Variants in CNOT6 observed in about 807,000 individuals in gnomAD.
CNOT6 encodes the protein CCR4-NOT transcription complex subunit 6.
CNOT6 carries 12 observed loss-of-function variants against 61.2 expected under a neutral mutation model. The ratio of observed to expected loss-of-function variants is 0.20; its 90% CI spans 0.13 to 0.32. The LOEUF (loss-of-function observed/expected upper bound fraction) is 0.32. Among genes scored for constraint, CNOT6 ranks in the 10% least tolerant of loss-of-function variants. The pLI, the probability that CNOT6 is intolerant of heterozygous loss-of-function variation, is 1.00. For synonymous variants in CNOT6, 225 were observed against 240.6 expected, an observed-to-expected ratio of 0.94 and a Z score of 0.60; for missense variants, 405 against 663.9, an observed-to-expected ratio of 0.61 and a Z score of 4.28.
intron 4 of CNOT6, among the ~76,000 whole-genome samples, chr5:180,562,601 A>G (rs1760243406): frequency 6.6e-6 from 1 of 152,084 alleles, no homozygotes; most frequent in African/African-American, 2.4e-5. Context: ...TTAGCCGGGC[A>G]TGGTGGCAGC....
At chr5:180,511,111 GT>G (rs952223582) in intron 1 of CNOT6, among the ~76,000 whole-genome samples, 8 of 151,554 alleles carry the variant, frequency 5.3e-5, no homozygotes, top group African/African-American at 1.7e-4. Context: ...AGACAGGCAG[GT>G]TTTTTTTGGC....
At chr5:180,498,956 T>A (rs1391928842) in intron 1 of CNOT6, among the ~76,000 whole-genome samples, 1 of 152,112 alleles carries the variant, frequency 6.6e-6, no homozygotes, top group African/African-American at 2.4e-5. Flanking sequence ...CGCCGACTAA[T>A]TTTTTTGTAT....
intron 2 of CNOT6, among the ~76,000 whole-genome samples, chr5:180,545,327 C>T (rs1561652318): frequency 6.6e-6 from 1 of 152,210 alleles, no homozygotes; most frequent in Non-Finnish European, 1.5e-5. Context: ...TCCATTCCTT[C>T]CCCTATTTCT....
At chr5:180,503,262 CTTTTTTTTTTT>C (rs66503357) in intron 1 of CNOT6, among the ~76,000 whole-genome samples, 1 of 133,848 alleles carries the variant, frequency 7.5e-6, no homozygotes, top group African/African-American at 2.7e-5. Flanking sequence ...TTGTATTTTT[CTTTTTTTTTTT>C]TTTTTTGAGA....
At chr5:180,519,566 C>T (rs1279323219) in intron 1 of CNOT6, among the ~76,000 whole-genome samples, 1 of 152,072 alleles carries the variant, frequency 6.6e-6, no homozygotes, top group Non-Finnish European at 1.5e-5. Flanking sequence ...TACATGTACA[C>T]CTTAAATGTA....
intron 4 of CNOT6, among the ~76,000 whole-genome samples, chr5:180,562,429 C>A (rs1760233295): frequency 2.0e-5 from 3 of 151,968 alleles, no homozygotes; most frequent in Non-Finnish European, 1.5e-5. Context: ...TAGTGAAGAG[C>A]AGATTAATTT....
intron 1 of CNOT6, among the ~76,000 whole-genome samples, chr5:180,511,768 A>G (rs77626140): frequency 2.0e-5 from 3 of 150,234 alleles, no homozygotes; most frequent in South Asian, 2.1e-4. Flanking sequence ...CCTGTATCTG[A>G]AAAAAAAAAT....
intron 2 of CNOT6, among the ~76,000 whole-genome samples, chr5:180,533,313 T>C (rs1194434220): frequency 3.7e-5 from 1 of 26,820 alleles, no homozygotes; most frequent in Non-Finnish European, 9.7e-5. Flanking sequence ...GATGAAAACC[T>C]ATATATATAT....
rs1311006190 is a variant in CNOT6, at chr5:180,567,763, A to C, written c.873-86A>C. The C allele has an allele frequency of 3.2e-6, 5 of 1,581,454 alleles. No individual in the cohort carries two copies. The East Asian group carries it at 1.1e-4, about 35-fold the overall frequency. On this transcript the variant is annotated intron_variant, in intron 8 of 11. Coordinates refer to ENST00000261951, the MANE Select transcript of CNOT6 (RefSeq NM_001370472.1). The stretch of plus-strand genomic sequence containing the variant: ...TAAGTGCCATCGTATCTGTTAAGGA[A>C]GTTTGGGAAAACTGCGTTTCCCACA...
chr5:180,502,505 C>G (rs926442613), intron 1 of CNOT6, among the ~76,000 whole-genome samples: 2 of 152,156 alleles, frequency 1.3e-5, no homozygotes, highest in Non-Finnish European at 2.9e-5. Context: ...ATGTTGTGCT[C>G]CATTGCCCAA....
chr5:180,507,412 C>T (rs1344395614), intron 1 of CNOT6, among the ~76,000 whole-genome samples: 2 of 152,124 alleles, frequency 1.3e-5, no homozygotes, highest in African/African-American at 4.8e-5. Flanking sequence ...CTAGCCTGGC[C>T]AACCTGGTGA....
rs111736809 is a variant in CNOT6 at position 180,527,310 on chromosome 5, A to G, written c.-2-1965A>G. ...GTGCCTCTTAAGTCATTTATTCCAT[A>G]TGTTTCATTTTACTCCTCTTTTTCA... is the stretch of plus-strand genomic sequence containing the variant. On this transcript the variant is annotated intron_variant, in intron 1 of 11. Transcript: ENST00000261951. Among the ~76,000 whole-genome samples, 26 of 152,276 alleles carry G rather than the reference A, an allele frequency of 1.7e-4. 2 individuals are homozygous for G. The highest frequency in any genetic ancestry group is 1.7e-3 in the South Asian group (8 of 4,832).
rs532509438 is a variant in CNOT6 at position 180,509,842 on chromosome 5, T to C, written c.-3+15079T>C. 4.9e-3 allele frequency among the ~76,000 whole-genome samples: 744 copies of C among 151,458 alleles called. 14 individuals are homozygous for C. The highest frequency in any genetic ancestry group is 0.017 in the African/African-American group (709 of 41,350). On this transcript the variant is annotated intron_variant, in intron 1 of 11. Transcript: ENST00000261951. ...GATACCTTGGTGTTTTTTTTTTTTT[T>C]TTTTCACTAGCTACTCTTTGTTAAA...
intron 2 of CNOT6, among the ~76,000 whole-genome samples, chr5:180,542,754 T>C (rs1489714956): frequency 6.6e-6 from 1 of 152,232 alleles, no homozygotes; most frequent in African/African-American, 2.4e-5. Flanking sequence ...AAATCACTTA[T>C]CAAAACAGGG....
intron 1 of CNOT6, among the ~76,000 whole-genome samples, chr5:180,528,984 G>C (rs1259910162): frequency 6.6e-6 from 1 of 152,098 alleles, no homozygotes; most frequent in African/African-American, 2.4e-5. Flanking sequence ...GCCAAGGCGG[G>C]CGGATCATGA....
intron 3 of CNOT6, among the ~76,000 whole-genome samples, chr5:180,552,756 G>T (rs916444888): frequency 6.6e-5 from 10 of 152,136 alleles, no homozygotes; most frequent in African/African-American, 2.4e-4. Flanking sequence ...CACCCTTGAA[G>T]GTTCCTTTGA....
At position 180,569,338 on chromosome 5, in the gene CNOT6, C is replaced by G. The variant is rs1760628437; in HGVS notation, c.1256C>G (p.Ser419Cys). The G allele has an allele frequency of 6.3e-7, 1 of 1,585,320 alleles. No homozygotes were observed. The highest frequency in any genetic ancestry group is 8.7e-7 in the Non-Finnish European group (1 of 1,155,312). Residue 419 changes from serine (S) to cysteine (C), a missense_variant and splice_region_variant, in exon 10 of 12, where the codon TCT becomes TGT. By Grantham distance (112) the Ser-to-Cys change is moderately radical. Around this residue, in one of 5 missense-constraint regions of CNOT6, gnomAD observed 116 missense variants for 184.6 expected, o/e 0.63. Transcript: ENST00000261951. ...LCADLNSLPDSGVVEYLSTGG... is the reference protein window; with the variant it reads ...LCADLNSLPDCGVVEYLSTGG... ...GCAGATCTTAATTCTTTGCCAGACT[C>G]TGGTAAGAAAATAATGTGATTTTAT...
Position 180,529,211 on chromosome 5 carries a change from AAAG to A in CNOT6, c.-2-63_-2-61del, listed in dbSNP as rs1758236184. ...AGACTTCGTCTCAAAAAAAAAAAAA[AAAG>A]GTGTTGTGGCTTTTGTTTATTTGAT... On this transcript the variant is annotated intron_variant, in intron 1 of 11. Coordinates refer to ENST00000261951, the MANE Select transcript of CNOT6 (RefSeq NM_001370472.1). The A allele has an allele frequency of 9.1e-5, 80 of 876,620 alleles. No homozygotes were observed. In the African/African-American group the frequency reaches 1.1e-3, roughly 12 times the overall value. The allele number at this position is 876,620 out of a possible 1,614,324, so 54.3% of individuals were successfully genotyped here.
chr5:180,530,660 G>A (rs1278176794), intron 2 of CNOT6, among the ~76,000 whole-genome samples: 74 of 152,096 alleles, frequency 4.9e-4, no homozygotes, highest in Admixed American at 7.2e-4. Flanking sequence ...GGGAAGGTCA[G>A]CAGATAAACA....
Sources: gnomAD v4.1 joint callset for allele counts (sites outside exome capture counted in the v4.1 genomes callset) on GRCh38, gnomAD v4.1.1 for gene constraint, gnomAD v4.1.1 regional missense constraint, MANE v1.5 for transcripts, NCBI Gene and HGNC (gene_info 2026-07-23, HGNC 2026-07-21) for gene names.